MAGI2: variants seen among roughly 807,000 people sequenced by gnomAD.
The protein encoded by MAGI2 is membrane associated guanylate kinase, WW and PDZ domain containing 2, also known as membrane-associated guanylate kinase, WW and PDZ domain-containing protein 2.
Under a neutral mutation model 133.3 loss-of-function variants are expected in MAGI2, and 35 were observed. The ratio of observed to expected loss-of-function variants is 0.26; its 90% CI spans 0.20 to 0.35. The LOEUF is 0.35. Among genes scored for constraint, MAGI2 ranks in the 10% least tolerant of loss-of-function variants. The pLI is 1.00. For missense variants in MAGI2, 1,636 were observed against 1,863.4 expected (o/e 0.88, Z 2.25); for synonymous variants, 729 against 710.6 (o/e 1.03, Z -0.41).
At chr7:78,638,065 GAA>G (rs1809866044) in intron 2 of MAGI2, among the ~76,000 whole-genome samples, 1 of 144,462 alleles carries the variant, frequency 6.9e-6, no homozygotes, top group Non-Finnish European at 1.5e-5. Context: ...CCTGTTTCAA[GAA>G]AAAAATAAAA....
chr7:78,057,977 G>GTATATATA (rs58788674), intron 21 of MAGI2, among the ~76,000 whole-genome samples: 1,602 of 106,500 alleles, frequency 0.015, 115 homozygotes, highest in South Asian at 0.031. Context: ...ATATATATGT[G>GTATATATA]TATATATATA....
At chr7:78,613,940 C>G (rs939020135) in intron 3 of MAGI2, among the ~76,000 whole-genome samples, 1 of 151,986 alleles carries the variant, frequency 6.6e-6, no homozygotes, top group African/African-American at 2.4e-5. Flanking sequence ...GAAACCTCAT[C>G]TCTACTAAAA....
intron 1 of MAGI2, among the ~76,000 whole-genome samples, chr7:79,089,258 C>T (rs1816827161): frequency 6.6e-6 from 1 of 152,006 alleles, no homozygotes. Context: ...AATGAGGTAC[C>T]ATCTCACACC....
At chr7:79,138,213 AT>A (rs926926539) in intron 1 of MAGI2, among the ~76,000 whole-genome samples, 3 of 151,980 alleles carry the variant, frequency 2.0e-5, no homozygotes, top group Non-Finnish European at 2.9e-5. Context: ...ATTTGTGGTA[AT>A]TTTTTTTCAT....
chr7:79,279,485 C>G (rs1339302596), intron 1 of MAGI2, among the ~76,000 whole-genome samples: 2 of 152,162 alleles, frequency 1.3e-5, no homozygotes, highest in Admixed American at 1.3e-4. Context: ...GCCACCCTTC[C>G]TCTGAAAGGA....
In MAGI2 at chr7:78,896,826, C is replaced by G. The variant is rs2151583672; in HGVS notation, c.418+110264G>C. ...CTTTTACCAGTTAGAGCATAACAAC[C>G]TTCACTTTAGTATGAAAAGCTGTAT... On this transcript the variant is annotated intron_variant, in intron 2 of 21. Coordinates refer to ENST00000354212, the MANE Select transcript of MAGI2 (RefSeq NM_012301.4). Among the ~76,000 whole-genome samples, 3 of 152,212 alleles carry G rather than the reference C, an allele frequency of 2.0e-5. 1 individual carries two copies. The South Asian group carries it at 6.2e-4, about 32-fold the overall frequency.
intron 2 of MAGI2, among the ~76,000 whole-genome samples, chr7:78,684,595 A>T (rs911938076): frequency 1.3e-5 from 2 of 152,164 alleles, no homozygotes; most frequent in East Asian, 3.9e-4. Flanking sequence ...GATAAAATTC[A>T]CATTACCCTA....
At chr7:79,073,962 A>T (rs6942475) in intron 1 of MAGI2, among the ~76,000 whole-genome samples, 2 of 151,878 alleles carry the variant, frequency 1.3e-5, no homozygotes, top group Non-Finnish European at 2.9e-5. Flanking sequence ...TTCAGAGACA[A>T]CCTCATAGAT....
intron 20 of MAGI2, among the ~76,000 whole-genome samples, chr7:78,099,410 T>C (rs182228959): frequency 3.4e-4 from 52 of 152,306 alleles, no homozygotes; most frequent in Admixed American, 5.9e-4. Context: ...CAATTGCCTA[T>C]TCCAGCCTAT....
chr7:78,701,440 G>C (rs1218164374), intron 2 of MAGI2, among the ~76,000 whole-genome samples: 1 of 151,960 alleles, frequency 6.6e-6, no homozygotes, highest in East Asian at 1.9e-4. Flanking sequence ...GTACATGTGG[G>C]ACCACAGTTT....
intron 21 of MAGI2, among the ~76,000 whole-genome samples, chr7:78,040,830 C>T (rs1488345270): frequency 2.0e-5 from 3 of 152,172 alleles, no homozygotes; most frequent in Non-Finnish European, 2.9e-5. Flanking sequence ...AAATGACAAC[C>T]ATTAAGGGGC....
intron 9 of MAGI2, among the ~76,000 whole-genome samples, chr7:78,340,627 T>C (rs561776825): frequency 3.3e-5 from 5 of 152,218 alleles, no homozygotes; most frequent in African/African-American, 7.2e-5. Flanking sequence ...TCAGCTTCAT[T>C]CCTGGGATGC....
chr7:78,460,428 G>A (rs1440357364), intron 6 of MAGI2, among the ~76,000 whole-genome samples: 2 of 152,290 alleles, frequency 1.3e-5, no homozygotes, highest in South Asian at 2.1e-4. Flanking sequence ...TTCTAACTCA[G>A]ATTTCCATGT....
intron 1 of MAGI2, among the ~76,000 whole-genome samples, chr7:79,119,292 G>A (rs555695997): frequency 3.8e-4 from 58 of 152,162 alleles, no homozygotes; most frequent in African/African-American, 1.2e-3. Flanking sequence ...TCCAGGACAC[G>A]TTTCAAAGCA....
chr7:78,018,865 T>C lies in MAGI2; in HGVS notation c.*450A>G, dbSNP rs943519569. ...AACGCTTTAGATCAATTAAAAGATA[T>C]AATCTTGTCTCAGTTTCAGCTTGCT... On this transcript the variant is annotated 3_prime_UTR_variant, in exon 22 of 22. Coordinates refer to ENST00000354212, the MANE Select transcript of MAGI2 (RefSeq NM_012301.4). The C allele has an allele frequency of 3.0e-6, 1 of 328,916 alleles. No individual in the cohort carries two copies. The highest frequency in any genetic ancestry group is 2.1e-5 in the African/African-American group (1 of 46,870). The allele number at this position is 328,916 out of a possible 1,614,324, so 20.4% of individuals were successfully genotyped here. A position where few individuals can be genotyped will look rare whatever the true frequency, so the allele number is the denominator to read the frequency against.
At chr7:78,073,186 A>G (rs1814895663) in intron 21 of MAGI2, among the ~76,000 whole-genome samples, 1 of 152,180 alleles carries the variant, frequency 6.6e-6, no homozygotes. Flanking sequence ...GTTTTATTAT[A>G]CTTACAAAAC....
chr7:78,365,609 C>T (rs1356626845), intron 7 of MAGI2, among the ~76,000 whole-genome samples: 1 of 152,126 alleles, frequency 6.6e-6, no homozygotes, highest in Non-Finnish European at 1.5e-5. Context: ...AAGCACTGAG[C>T]CCAGTTAATG....
chr7:78,823,423 A>C (rs891185279), intron 2 of MAGI2, among the ~76,000 whole-genome samples: 19 of 152,192 alleles, frequency 1.2e-4, no homozygotes, highest in African/African-American at 4.6e-4. Context: ...CTCTACTAAA[A>C]ATACAAAAAA....
At chr7:79,176,239 C>T (rs1049872414) in intron 1 of MAGI2, among the ~76,000 whole-genome samples, 2 of 151,916 alleles carry the variant, frequency 1.3e-5, no homozygotes, top group Non-Finnish European at 2.9e-5. Flanking sequence ...ATTGCCCCAG[C>T]TGCCTTGCTT....
Sources: allele counts gnomAD v4.1 joint callset (sites outside exome capture counted in the v4.1 genomes callset), GRCh38; gene constraint gnomAD v4.1.1; transcripts MANE v1.5; gene names NCBI Gene and HGNC (gene_info 2026-07-23, HGNC 2026-07-21).